ARL15: variants seen among roughly 807,000 people sequenced by gnomAD.
ARL15 encodes the protein ADP-ribosylation factor-like protein 15.
In ARL15, 19 loss-of-function variants were observed where a neutral mutation model predicts 25.2. The ratio of observed to expected loss-of-function variants is 0.75; its 90% CI spans 0.53 to 1.10. The LOEUF (loss-of-function observed/expected upper bound fraction) is 1.10. ARL15 is among the 50% of genes least tolerant of loss of function. ARL15 has a pLI of 0.00. For missense variants in ARL15, 220 were observed against 246.0 expected (o/e 0.89, Z 0.71); for synonymous variants, 94 against 86.8 (o/e 1.08, Z -0.46).
chr5:54,258,235 A>G (rs1757415447), intron 1 of ARL15, among the ~76,000 whole-genome samples: 1 of 151,972 alleles, frequency 6.6e-6, no homozygotes, highest in Admixed American at 6.5e-5. Context: ...CTACTCCAGA[A>G]GCCTGAGGTA....
At chr5:53,993,987 A>C (rs1748587611) in intron 4 of ARL15, among the ~76,000 whole-genome samples, 1 of 152,194 alleles carries the variant, frequency 6.6e-6, no homozygotes, top group African/African-American at 2.4e-5. Flanking sequence ...GTGGTTCACT[A>C]TGGCAAGTAA....
chr5:54,194,721 C>G (rs989863443), intron 1 of ARL15, among the ~76,000 whole-genome samples: 1 of 152,160 alleles, frequency 6.6e-6, no homozygotes, highest in Non-Finnish European at 1.5e-5. Flanking sequence ...AATGACCTCA[C>G]AGGGTTTTGA....
chr5:53,970,701 C>T (rs1292823433), intron 4 of ARL15, among the ~76,000 whole-genome samples: 2 of 151,630 alleles, frequency 1.3e-5, no homozygotes, highest in African/African-American at 2.4e-5. Context: ...CAAGTTGACT[C>T]ATTGGGCCCT....
chr5:54,129,568 A>G (rs1026697139), intron 3 of ARL15, among the ~76,000 whole-genome samples: 6 of 152,248 alleles, frequency 3.9e-5, no homozygotes, highest in African/African-American at 1.2e-4. Flanking sequence ...TTAAAAGCGT[A>G]GCAGTTCAGA....
At chr5:53,924,349 C>G (rs1340744720) in intron 4 of ARL15, among the ~76,000 whole-genome samples, 1 of 152,224 alleles carries the variant, frequency 6.6e-6, no homozygotes. Context: ...GATTACTTTT[C>G]AAGCCTTTCT....
chr5:53,924,008 A>T (rs1043857711), intron 4 of ARL15, among the ~76,000 whole-genome samples: 2 of 152,268 alleles, frequency 1.3e-5, no homozygotes, highest in East Asian at 1.9e-4. Context: ...TTCAATTAGA[A>T]AGCAGAACGT....
At chr5:53,961,489 C>G (rs761100920) in intron 4 of ARL15, among the ~76,000 whole-genome samples, 3 of 95,792 alleles carry the variant, frequency 3.1e-5, no homozygotes, top group African/African-American at 4.5e-5. Flanking sequence ...CAGAGAGACT[C>G]TGTCTCAAAA....
chr5:54,171,648 G>A, intron 2 of ARL15, 136 bp downstream of exon 2: 2 of 1,073,808 alleles, frequency 1.9e-6, no homozygotes, highest in East Asian at 5.5e-5. Flanking sequence ...TTTTGAAAAA[G>A]AGATAGTGTT....
At chr5:54,242,183 ACAC>A (rs1756976039) in intron 1 of ARL15, among the ~76,000 whole-genome samples, 3 of 152,142 alleles carry the variant, frequency 2.0e-5, no homozygotes, top group Non-Finnish European at 4.4e-5. Context: ...ACACACACAC[ACAC>A]AATTAAGTTA....
intron 3 of ARL15, among the ~76,000 whole-genome samples, chr5:54,124,106 A>G (rs1166327673): frequency 6.6e-6 from 1 of 152,212 alleles, no homozygotes; most frequent in African/African-American, 2.4e-5. Flanking sequence ...GGATAGTTAA[A>G]GACTATATTT....
chr5:54,195,964 G>C (rs567071798), intron 1 of ARL15, among the ~76,000 whole-genome samples: 2 of 152,182 alleles, frequency 1.3e-5, no homozygotes, highest in Admixed American at 6.5e-5. Flanking sequence ...AAAAGCTGTA[G>C]CCCATCTTCT....
chr5:53,894,610 T>G (rs1269921897), intron 4 of ARL15, among the ~76,000 whole-genome samples: 3 of 152,188 alleles, frequency 2.0e-5, no homozygotes, highest in Non-Finnish European at 4.4e-5. Flanking sequence ...TATGGGTGCT[T>G]CTTGTCTTCA....
chr5:54,102,369 T>C (rs984055440), intron 4 of ARL15, among the ~76,000 whole-genome samples: 4 of 152,152 alleles, frequency 2.6e-5, no homozygotes, highest in African/African-American at 7.2e-5. Context: ...TAAATCTTTA[T>C]GTATAACAAG....
At chr5:54,186,620 A>C (rs1561258460) in intron 1 of ARL15, among the ~76,000 whole-genome samples, 2 of 152,198 alleles carry the variant, frequency 1.3e-5, no homozygotes, top group Non-Finnish European at 2.9e-5. Context: ...ATACCAAAAA[A>C]AATTTTCCTT....
At chr5:53,931,286 C>T (rs1323822458) in intron 4 of ARL15, among the ~76,000 whole-genome samples, 3 of 152,188 alleles carry the variant, frequency 2.0e-5, no homozygotes, top group Non-Finnish European at 2.9e-5. Context: ...GGGCTATTCA[C>T]ACCAATTATT....
intron 4 of ARL15, among the ~76,000 whole-genome samples, chr5:53,971,885 G>A (rs905990256): frequency 1.3e-5 from 2 of 152,082 alleles, no homozygotes; most frequent in East Asian, 3.9e-4. Context: ...CTCAACAATT[G>A]CAATGTTCAT....
intron 4 of ARL15, among the ~76,000 whole-genome samples, chr5:54,026,126 G>T (rs255761): frequency 0.26 from 39,411 of 152,010 alleles, 5,691 homozygotes; most frequent in East Asian, 0.45. Context: ...TGAATTTTTA[G>T]ACTGACTAGC....
chr5:54,024,445 CT>C (rs1258499477), intron 4 of ARL15, among the ~76,000 whole-genome samples: 1 of 152,026 alleles, frequency 6.6e-6, no homozygotes, highest in Non-Finnish European at 1.5e-5. Context: ...CTTTTTAATA[CT>C]TTGTATTGTA....
rs144731891 is a variant in ARL15 at position 54,168,616 on chromosome 5, C to A, written c.193+3168G>T. Among the ~76,000 whole-genome samples the A allele has an allele frequency of 2.7e-3, 414 of 152,088 alleles. 3 individuals are homozygous for A. Among genetic ancestry groups the A allele is most frequent in the African/African-American group, 9.7e-3 (402 of 41,500 alleles). On this transcript the variant is annotated intron_variant, in intron 2 of 4. Transcript: ENST00000504924. ...TCTCTAGCCTTAGATCCCAACATCC[C>A]CTAAATCTCTGCATGCTGTGCCTTA...
Sources: gnomAD v4.1 joint callset for allele counts (sites outside exome capture counted in the v4.1 genomes callset) on GRCh38, gnomAD v4.1.1 for gene constraint, MANE v1.5 for transcripts, NCBI Gene and HGNC (gene_info 2026-07-23, HGNC 2026-07-21) for gene names.